The following C3orf62 variants were observed in gnomAD, a reference collection of about 807,000 sequenced individuals.
C3orf62 encodes the protein chromosome 3 open reading frame 62, also known as uncharacterized protein C3orf62.
A neutral mutation model predicts 21.7 loss-of-function variants in C3orf62; 16 were observed. The ratio of observed to expected loss-of-function variants is 0.74; its 90% CI spans 0.50 to 1.12. The LOEUF (loss-of-function observed/expected upper bound fraction) is 1.12, where lower values mean the gene tolerates loss of function less well. Ranked by LOEUF, C3orf62 falls within the 50% of genes most tolerant of loss-of-function variation. C3orf62 has a pLI of 0.00. For missense variants in C3orf62, 310 were observed against 318.8 expected (o/e 0.97, Z 0.21); for synonymous variants, 114 against 117.0 (o/e 0.97, Z 0.17).
At chr3:49,271,998 AC>A (rs1430735372) in intron 2 of C3orf62, among the ~76,000 whole-genome samples, 1 of 151,762 alleles carries the variant, frequency 6.6e-6, no homozygotes. Context: ...GGCAGTAATG[AC>A]TTCAGTTTAC....
chr3:49,270,892 C>G lies in C3orf62; in HGVS notation c.*288G>C. The G allele has an allele frequency of 3.0e-6, 1 of 338,754 alleles. No individual in the cohort carries two copies. Among genetic ancestry groups the G allele is most frequent in the South Asian group, 4.4e-5 (1 of 22,602 alleles). The allele number at this position is 338,754 out of a possible 1,614,324, so 21.0% of individuals were successfully genotyped here. Reference sequence around the variant, plus strand: ...ACACAGCAGAGGCCCATGACCCACACCTACCATGGGTACTGGGTATATTGA... The same window carrying G: ...ACACAGCAGAGGCCCATGACCCACAGCTACCATGGGTACTGGGTATATTGA... On this transcript the variant is annotated 3_prime_UTR_variant, in exon 3 of 3. Coordinates refer to ENST00000343010, the MANE Select transcript of C3orf62 (RefSeq NM_198562.3).
At position 49,276,751 on chromosome 3, in the gene C3orf62, C is replaced by A; in HGVS notation, c.122G>T (p.Cys41Phe). 1 of 1,614,214 alleles carries A rather than the reference C, an allele frequency of 6.2e-7. No individual in the cohort carries two copies. Among genetic ancestry groups the A allele is most frequent in the Non-Finnish European group, 8.5e-7 (1 of 1,180,036 alleles). Residue 41 changes from cysteine to phenylalanine, a missense_variant, in exon 1 of 3, where the codon TGC (cysteine) becomes TTC (phenylalanine). Physicochemically the swap from Cys to Phe is radical, Grantham distance 205. Transcript: ENST00000343010. ...CAGTTCCAGCCTCTGCTGGCCTGTGCACTCCTGGGAATAACTAACTCCTTC... is the reference window on the plus strand; with the variant it reads ...CAGTTCCAGCCTCTGCTGGCCTGTGAACTCCTGGGAATAACTAACTCCTTC... ...AFEGVSYSQE[C>F]TGQQRLELSA...
rs746086446 is a variant in C3orf62 at position 49,272,534 on chromosome 3, C to CTTTTT, written c.539-1094_539-1090dup. Reference sequence around the variant, plus strand: ...TTTGACTTCTAATTTTTCTCCTAATCTTTTTTTTTTTTTTTTTTTTTTTTT... The same window carrying CTTTTT: ...TTTGACTTCTAATTTTTCTCCTAATCTTTTTTTTTTTTTTTTTTTTTTTTTTTTTT... On this transcript the variant is annotated intron_variant, in intron 2 of 2. Transcript: ENST00000343010. 2.0e-3 allele frequency among the ~76,000 whole-genome samples: 104 copies of CTTTTT among 51,840 alleles called. 24 individuals carry two copies. The highest frequency in any genetic ancestry group is 4.8e-3 in the African/African-American group (56 of 11,716). 34.0% of individuals were successfully genotyped at this position (51,840 alleles called of 152,430 possible).
At chr3:49,272,302 C>G (rs1224375898) in intron 2 of C3orf62, among the ~76,000 whole-genome samples, 1 of 152,028 alleles carries the variant, frequency 6.6e-6, no homozygotes, top group Non-Finnish European at 1.5e-5. Context: ...AGTTCAAGAC[C>G]AGCCTGGGTA....
chr3:49,276,339 C>T, intron 1 of C3orf62, 88 bp downstream of exon 1: 1 of 1,347,176 alleles, frequency 7.4e-7, no homozygotes, highest in Non-Finnish European at 1.0e-6. Context: ...AGAGCACTGT[C>T]ATGAACTAAA....
chr3:49,271,363 G>T lies in C3orf62; in HGVS notation c.621C>A (p.Cys207Ter). The change falls in exon 3 of 3, where the codon TGC (cysteine) becomes TGA (stop). Residue 207 changes from cysteine to a stop codon, truncating the protein, a stop_gained. Transcript: ENST00000343010. LOFTEE classifies it high-confidence loss of function. ...ENELNHMCGH[C>*]QDSPFKEEAW... The stretch of plus-strand genomic sequence containing the variant: ...CTTCCTCTTTGAAGGGTGAATCTTG[G>T]CAATGACCACACATGTGGTTCAATT... The T allele has an allele frequency of 6.2e-7, 1 of 1,614,190 alleles. No homozygotes were observed. The highest frequency in any genetic ancestry group is 1.3e-5 in the African/African-American group (1 of 75,038).
Position 49,275,519 on chromosome 3 carries a change from G to GTTTTTTTTTTTTTTTTTTTT in C3orf62, c.446+888_446+907dup, listed in dbSNP as rs59375945. Among the ~76,000 whole-genome samples the GTTTTTTTTTTTTTTTTTTTT allele has an allele frequency of 2.9e-5, 2 of 69,292 alleles. 1 individual carries two copies. Among genetic ancestry groups the GTTTTTTTTTTTTTTTTTTTT allele is most frequent in the African/African-American group, 1.2e-4 (2 of 17,388 alleles). 45.5% of individuals were successfully genotyped at this position (69,292 alleles called of 152,430 possible). On this transcript the variant is annotated intron_variant, in intron 1 of 2. Coordinates refer to ENST00000343010, the MANE Select transcript of C3orf62 (RefSeq NM_198562.3). ...GCAGCCAAGATGGCAGAACTTTGAA[G>GTTTTTTTTTTTTTTTTTTTT]TTTTTTTTTTTTTTTTTTTTTTTTT...
At chr3:49,276,065 T>G (rs2046956598) in intron 1 of C3orf62, among the ~76,000 whole-genome samples, 3 of 152,130 alleles carry the variant, frequency 2.0e-5, no homozygotes, top group African/African-American at 4.8e-5. Context: ...AGTGTCCAGA[T>G]TCAAACACAG....
At position 49,271,134 on chromosome 3, in the gene C3orf62, A is replaced by G. The variant is rs756638064; in HGVS notation, c.*46T>C. 2 of 1,582,674 alleles carry G rather than the reference A, an allele frequency of 1.3e-6. No individual in the cohort carries two copies. The highest frequency in any genetic ancestry group is 2.3e-5 in the East Asian group (1 of 44,402). ...ATTGTAGCTGCTTCTGCTCAGGCTCAAGGGCAGCCTCCTGCTGTAAGGAAT... is the reference window on the plus strand; with the variant it reads ...ATTGTAGCTGCTTCTGCTCAGGCTCGAGGGCAGCCTCCTGCTGTAAGGAAT... On this transcript the variant is annotated 3_prime_UTR_variant, in exon 3 of 3. Transcript: ENST00000343010.
In C3orf62 at chr3:49,271,322, A is replaced by G. The variant is rs1004073189; in HGVS notation, c.662T>C (p.Met221Thr). The change falls in exon 3 of 3, where the codon ATG (methionine) becomes ACG (threonine). Residue 221 changes from methionine to threonine, a missense_variant. Transcript: ENST00000343010. Reference protein sequence around the residue: ...PFKEEAWALLMDKSPQKATDA... With the variant: ...PFKEEAWALLTDKSPQKATDA... ...TGTGGCCTTCTGAGGGCTCTTGTCC[A>G]TGAGCAGGGCCCAGGCTTCCTCTTT... The G allele has an allele frequency of 1.2e-6, 2 of 1,614,234 alleles. No homozygotes were observed. Among genetic ancestry groups the G allele is most frequent in the Admixed American group, 1.7e-5 (1 of 60,028 alleles).
rs2046904447 is a variant in C3orf62 at position 49,270,060 on chromosome 3, TCA to T, written c.*1118_*1119del. The T allele has an allele frequency of 6.6e-6, 1 of 152,386 alleles. No homozygotes were observed. The highest frequency in any genetic ancestry group is 2.1e-4 in the South Asian group (1 of 4,826). The allele number at this position is 152,386 out of a possible 1,614,324, so 9.4% of individuals were successfully genotyped here. On this transcript the variant is annotated 3_prime_UTR_variant, in exon 3 of 3. Coordinates refer to ENST00000343010, the MANE Select transcript of C3orf62 (RefSeq NM_198562.3). Reference sequence around the variant, plus strand: ...GTAGTGAGTTATCTCAATCGACTACTCACAGTTTCAGATCTAACTCCTTGTTC... The same window carrying T: ...GTAGTGAGTTATCTCAATCGACTACTCAGTTTCAGATCTAACTCCTTGTTC...
In C3orf62 at chr3:49,269,876, T is replaced by C. The variant is rs543815877; in HGVS notation, c.*1304A>G. 1 of 152,380 alleles carries C rather than the reference T, an allele frequency of 6.6e-6. No homozygotes were observed. The highest frequency in any genetic ancestry group is 1.5e-5 in the Non-Finnish European group (1 of 68,048). 9.4% of individuals were successfully genotyped at this position (152,380 alleles called of 1,614,324 possible). A position where few individuals can be genotyped will look rare whatever the true frequency, so the allele number is the denominator to read the frequency against. The stretch of plus-strand genomic sequence containing the variant: ...CCCAGAGGAATCACTAGACCTGTGG[T>C]AAGGGATGTTGCTGGCTATGCAGCC... On this transcript the variant is annotated 3_prime_UTR_variant, in exon 3 of 3. Transcript: ENST00000343010.
Position 49,271,244 on chromosome 3 carries a change from TC to T in C3orf62, c.739del (p.Glu247ArgfsTer12). Reference protein sequence around the residue: ...KQAFDDHNIVETVLDLEEDYN... With the variant: ...KQAFDDHNIVXTVLDLEEDYN... ...GTCCTCTTCCAAGTCCAGAACAGTCTCAACAATATTATGATCATCAAAAGCC... is the reference window on the plus strand; with the variant it reads ...GTCCTCTTCCAAGTCCAGAACAGTCTAACAATATTATGATCATCAAAAGCC... On this transcript the variant is annotated frameshift_variant, in exon 3 of 3. Coordinates refer to ENST00000343010, the MANE Select transcript of C3orf62 (RefSeq NM_198562.3). LOFTEE classifies it high-confidence loss of function. 1 of 1,614,112 alleles carries T rather than the reference TC, an allele frequency of 6.2e-7. No homozygotes were observed. The highest frequency in any genetic ancestry group is 8.5e-7 in the Non-Finnish European group (1 of 1,180,014).
intron 2 of C3orf62, among the ~76,000 whole-genome samples, chr3:49,271,910 C>CAA (rs10706165): frequency 4.7e-5 from 5 of 106,928 alleles, no homozygotes; most frequent in East Asian, 2.4e-4. Context: ...GGCCCTGTCT[C>CAA]AAAAAAAAAA....
chr3:49,273,349 G>A (rs2046927388), intron 2 of C3orf62, among the ~76,000 whole-genome samples: 1 of 152,144 alleles, frequency 6.6e-6, no homozygotes, highest in African/African-American at 2.4e-5. Flanking sequence ...CCTGAGCCCA[G>A]GGAGGTTGAG....
intron 1 of C3orf62, among the ~76,000 whole-genome samples, chr3:49,275,519 G>GTT (rs59375945): frequency 0.18 from 12,163 of 68,860 alleles, 3,998 homozygotes; most frequent in East Asian, 0.52. Flanking sequence ...GAACTTTGAA[G>GTT]TTTTTTTTTT....
Position 49,269,068 on chromosome 3 carries a change from A to T in C3orf62, c.*2112T>A, listed in dbSNP as rs932710562. 2.0e-5 allele frequency: 3 copies of T among 152,186 alleles called. No individual in the cohort carries two copies. Among genetic ancestry groups the T allele is most frequent in the African/African-American group, 7.2e-5 (3 of 41,450 alleles). The allele number at this position is 152,186 out of a possible 1,614,324, so 9.4% of individuals were successfully genotyped here. ...TAGGCATGAGCCACTGCACCCGGCC[A>T]TCTCAACAGTCTTGAGTTCTGGCCA... On this transcript the variant is annotated 3_prime_UTR_variant, in exon 3 of 3. Transcript: ENST00000343010.
rs140669662 is a variant in C3orf62, at chr3:49,277,204, G to A, written c.-332C>T. 1.8e-4 allele frequency: 238 copies of A among 1,345,242 alleles called. No individual in the cohort carries two copies. The African/African-American group carries it at 3.0e-3, about 17-fold the overall frequency. 83.3% of individuals were successfully genotyped at this position (1,345,242 alleles called of 1,614,324 possible). On this transcript the variant is annotated 5_prime_UTR_variant, in exon 1 of 3. Coordinates refer to ENST00000343010, the MANE Select transcript of C3orf62 (RefSeq NM_198562.3). ...TCCTCACCCGCAGCGCAGTGACGCC[G>A]ACCCATCCAACGGTCATCGCATGCG...
At chr3:49,275,519 G>GGTTTT (rs2046947335) in intron 1 of C3orf62, among the ~76,000 whole-genome samples, 1 of 69,292 alleles carries the variant, frequency 1.4e-5, no homozygotes, top group Non-Finnish European at 2.5e-5. Flanking sequence ...GAACTTTGAA[G>GGTTTT]TTTTTTTTTT....
Sources: allele counts gnomAD v4.1 joint callset (sites outside exome capture counted in the v4.1 genomes callset), GRCh38; gene constraint gnomAD v4.1.1; transcripts MANE v1.5; gene names NCBI Gene and HGNC (gene_info 2026-07-23, HGNC 2026-07-21).